AP3B1: variants seen among roughly 807,000 people sequenced by gnomAD.
The protein encoded by AP3B1 is adaptor related protein complex 3 subunit beta 1.
AP3B1 carries 61 observed loss-of-function variants against 132.5 expected under a neutral mutation model. The ratio of observed to expected loss-of-function variants is 0.46; its 90% CI spans 0.37 to 0.57. AP3B1 has a LOEUF of 0.57. Ranked by LOEUF, AP3B1 falls within the 20% of genes least tolerant of loss-of-function variation. The probability of loss-of-function intolerance (pLI) is 0.00; values close to 1 mark genes in which losing one functional copy is unlikely to be tolerated. For synonymous variants in AP3B1, 388 were observed against 438.3 expected (o/e 0.89, Z 1.43); for missense variants, 1,120 against 1,289.4 (o/e 0.87, Z 2.01).
At chr5:78,075,832 C>T (rs916140934) in intron 22 of AP3B1, among the ~76,000 whole-genome samples, 1 of 152,162 alleles carries the variant, frequency 6.6e-6, no homozygotes, top group African/African-American at 2.4e-5. Flanking sequence ...TCCATGCTAG[C>T]TACTGATATT....
At chr5:78,241,497 G>C (rs1000820884) in intron 2 of AP3B1, among the ~76,000 whole-genome samples, 1 of 152,096 alleles carries the variant, frequency 6.6e-6, no homozygotes, top group Non-Finnish European at 1.5e-5. Flanking sequence ...ATTTGCAATG[G>C]GGGAATTGAG....
chr5:78,131,631 T>C (rs1327170652), intron 15 of AP3B1, among the ~76,000 whole-genome samples: 1 of 151,636 alleles, frequency 6.6e-6, no homozygotes, highest in African/African-American at 2.4e-5. Flanking sequence ...CTCAATTTCA[T>C]TTCATTCTAC....
At position 78,061,675 on chromosome 5, in the gene AP3B1, G is replaced by A. The variant is rs571911430; in HGVS notation, c.2578-22401C>T. 9.4e-4 allele frequency among the ~76,000 whole-genome samples: 143 copies of A among 152,278 alleles called. 1 individual carries two copies. The highest frequency in any genetic ancestry group is 8.3e-3 in the South Asian group (40 of 4,828). On this transcript the variant is annotated intron_variant, in intron 22 of 26. Transcript: ENST00000255194. Reference sequence around the variant, plus strand: ...CTGCTTTCAGCAGCACTGTCAGCGCGCAAGGCTGGCATGAAGCTTCCAACT... The same window carrying A: ...CTGCTTTCAGCAGCACTGTCAGCGCACAAGGCTGGCATGAAGCTTCCAACT...
chr5:78,158,124 T>C (rs1281712130), intron 13 of AP3B1, among the ~76,000 whole-genome samples: 2 of 152,194 alleles, frequency 1.3e-5, no homozygotes, highest in African/African-American at 2.4e-5. Context: ...TTCTAATCAT[T>C]AGTAAATATA....
chr5:78,063,470 T>C (rs978316943), intron 22 of AP3B1, among the ~76,000 whole-genome samples: 1 of 152,216 alleles, frequency 6.6e-6, no homozygotes, highest in Non-Finnish European at 1.5e-5. Context: ...ACTCCTTTTA[T>C]GGAACCTCAG....
intron 7 of AP3B1, among the ~76,000 whole-genome samples, chr5:78,193,732 GTATATA>G (rs1298739100): frequency 2.2e-5 from 2 of 89,252 alleles, no homozygotes; most frequent in African/African-American, 8.1e-5. Flanking sequence ...TTAAATATTT[GTATATA>G]TTTTTTTATA....
intron 2 of AP3B1, among the ~76,000 whole-genome samples, chr5:78,259,034 G>A (rs766544199): frequency 2.0e-5 from 3 of 152,044 alleles, no homozygotes; most frequent in South Asian, 4.2e-4. Flanking sequence ...TCAGGAGATC[G>A]AGACCATCCT....
At chr5:78,099,630 C>A (rs1029312176) in intron 21 of AP3B1, among the ~76,000 whole-genome samples, 3 of 152,132 alleles carry the variant, frequency 2.0e-5, no homozygotes, top group African/African-American at 7.2e-5. Context: ...GGCGTGGTGG[C>A]TCACACCTGT....
intron 22 of AP3B1, among the ~76,000 whole-genome samples, chr5:78,085,853 G>T (rs960843056): frequency 4.0e-5 from 6 of 151,876 alleles, no homozygotes; most frequent in African/African-American, 4.8e-5. Flanking sequence ...TGAAGAAAAA[G>T]AAATGGAATT....
In AP3B1 at chr5:78,216,136, A is replaced by G. The variant is rs779084730; in HGVS notation, c.705T>C (p.Asp235=). The part of the protein sequence containing the change: ...NYRKLCNLLV[D]VEEWGQVVII... ...TGACAACCTGCCCCCACTCTTCAAC[A>G]TCCACTAGTAAGTTACATAGCTTGC... Residue 235 remains aspartate, a synonymous_variant, in exon 7 of 27, where the codon GAT becomes GAC. Coordinates refer to ENST00000255194, the MANE Select transcript of AP3B1 (RefSeq NM_003664.5). The G allele has an allele frequency of 6.2e-7, 1 of 1,614,082 alleles. No individual in the cohort carries two copies. The highest frequency in any genetic ancestry group is 1.7e-5 in the Admixed American group (1 of 60,012).
In AP3B1 at chr5:78,269,797, G is replaced by A. The variant is rs142619143; in HGVS notation, c.129-2202C>T. 2.0e-3 allele frequency among the ~76,000 whole-genome samples: 307 copies of A among 152,240 alleles called. 3 individuals carry two copies. Among genetic ancestry groups the A allele is most frequent in the African/African-American group, 7.2e-3 (298 of 41,532 alleles). On this transcript the variant is annotated intron_variant, in intron 1 of 26. Coordinates refer to ENST00000255194, the MANE Select transcript of AP3B1 (RefSeq NM_003664.5). ...GAATAAGCACATTGAGAACCGTGAC[G>A]GAACAATTTGACAATGTAATTTTAT...
intron 2 of AP3B1, among the ~76,000 whole-genome samples, chr5:78,241,934 AC>A (rs2112520395): frequency 6.6e-6 from 1 of 152,356 alleles, no homozygotes; most frequent in East Asian, 1.9e-4. Context: ...CAGAAGAGTA[AC>A]TAAGTCCTGC....
intron 14 of AP3B1, among the ~76,000 whole-genome samples, chr5:78,155,890 A>G (rs1449747973): frequency 6.6e-6 from 1 of 152,214 alleles, no homozygotes; most frequent in African/African-American, 2.4e-5. Context: ...AAATCTGTGC[A>G]CAAAGTGTGC....
intron 15 of AP3B1, among the ~76,000 whole-genome samples, chr5:78,139,639 TC>T (rs1178420923): frequency 6.6e-6 from 1 of 151,940 alleles, no homozygotes. Context: ...ATGAAGATAA[TC>T]CCAAAGCATA....
chr5:78,245,799 G>A (rs1747355275), intron 2 of AP3B1, among the ~76,000 whole-genome samples: 1 of 152,098 alleles, frequency 6.6e-6, no homozygotes, highest in East Asian at 1.9e-4. Flanking sequence ...GGGCCCTGAG[G>A]GAAAAGTAAG....
At chr5:78,081,554 T>C (rs1469625275) in intron 22 of AP3B1, among the ~76,000 whole-genome samples, 1 of 151,954 alleles carries the variant, frequency 6.6e-6, no homozygotes, top group East Asian at 1.9e-4. Flanking sequence ...GCCTCGGCCT[T>C]CCAAAGTGCC....
At chr5:78,069,681 G>A (rs1749451998) in intron 22 of AP3B1, among the ~76,000 whole-genome samples, 1 of 152,068 alleles carries the variant, frequency 6.6e-6, no homozygotes, top group South Asian at 2.1e-4. Context: ...ACTGCCTAAA[G>A]TAATTCATGG....
Position 78,002,751 on chromosome 5 carries a change from C to G in AP3B1, c.*151G>C. 1.1e-6 allele frequency: 1 copy of G among 897,824 alleles called. No homozygotes were observed. Among genetic ancestry groups the G allele is most frequent in the Non-Finnish European group, 1.9e-6 (1 of 539,294 alleles). 55.6% of individuals were successfully genotyped at this position (897,824 alleles called of 1,614,324 possible). ...GTATTGCATACATGATAGATACACA[C>G]TAGCATTCTAAAGCAGGAGACAAGA... On this transcript the variant is annotated 3_prime_UTR_variant, in exon 27 of 27. Coordinates refer to ENST00000255194, the MANE Select transcript of AP3B1 (RefSeq NM_003664.5).
intron 3 of AP3B1, among the ~76,000 whole-genome samples, chr5:78,237,030 T>C (rs1399335653): frequency 6.6e-6 from 1 of 152,236 alleles, no homozygotes; most frequent in Non-Finnish European, 1.5e-5. Context: ...GTATGGTTTA[T>C]CAAGTCATTT....
Sources: allele counts gnomAD v4.1 joint callset (sites outside exome capture counted in the v4.1 genomes callset), GRCh38; gene constraint gnomAD v4.1.1; transcripts MANE v1.5; gene names NCBI Gene and HGNC (gene_info 2026-07-23, HGNC 2026-07-21).